The following SKAP1 variants were observed in gnomAD, a reference collection of about 807,000 sequenced individuals.
The protein encoded by SKAP1 is src kinase associated phosphoprotein 1.
SKAP1 carries 44 observed loss-of-function variants against 58.5 expected under a neutral mutation model. The ratio of observed to expected loss-of-function variants is 0.75; its 90% confidence interval spans 0.59 to 0.97. SKAP1 has a LOEUF of 0.97. Ranked by LOEUF, SKAP1 falls within the 50% of genes least tolerant of loss-of-function variation. The pLI, the probability that SKAP1 is intolerant of heterozygous loss-of-function variation, is 0.00. For missense variants in SKAP1, 390 were observed against 435.2 expected, an observed-to-expected ratio of 0.90 and a Z score of 0.92; for synonymous variants, 127 against 149.7, an observed-to-expected ratio of 0.85 and a Z score of 1.11.
At position 48,199,679 on chromosome 17, in the gene SKAP1, A is replaced by G. The variant is rs185854557; in HGVS notation, c.281-10179T>C. 4.3e-3 allele frequency among the ~76,000 whole-genome samples: 650 copies of G among 152,194 alleles called. 5 individuals carry two copies. The highest frequency in any genetic ancestry group is 5.3e-3 in the Non-Finnish European group (360 of 68,014). ...TTCTTGCCACTTTGCTTGGGTTTCC[A>G]TAAGACCTTAGTAACAATGTAAAGC... On this transcript the variant is annotated intron_variant, in intron 4 of 12. Coordinates refer to ENST00000336915, the MANE Select transcript of SKAP1 (RefSeq NM_003726.4).
upstream of SKAP1, chr17:48,430,237 G>C: frequency 5.4e-6 from 3 of 557,262 alleles, no homozygotes; most frequent in Non-Finnish European, 4.8e-6. Context: ...GTCGCCGCCC[G>C]CCCAGCCCGG....
At chr17:48,429,537 G>A (rs935604441) in intron 1 of SKAP1, among the ~76,000 whole-genome samples, 5 of 152,184 alleles carry the variant, frequency 3.3e-5, no homozygotes, top group African/African-American at 1.2e-4. Flanking sequence ...CTAGACGTCT[G>A]CAGGGTGATA....
At chr17:48,405,450 T>TC (rs1555623980) in intron 1 of SKAP1, among the ~76,000 whole-genome samples, 3 of 94,006 alleles carry the variant, frequency 3.2e-5, no homozygotes, top group Admixed American at 1.1e-4. Flanking sequence ...TCTTTCTTTC[T>TC]TTTCTTTCTT....
At chr17:48,392,877 A>ATAT (rs1555622718) in intron 2 of SKAP1, among the ~76,000 whole-genome samples, 7 of 127,352 alleles carry the variant, frequency 5.5e-5, no homozygotes, top group African/African-American at 1.7e-4. Context: ...ATATATATAT[A>ATAT]TTTTTTTTTT....
chr17:48,165,391 CTTT>C (rs1567801497), intron 10 of SKAP1, among the ~76,000 whole-genome samples: 2 of 148,512 alleles, frequency 1.3e-5, no homozygotes, highest in Non-Finnish European at 3.0e-5. Flanking sequence ...TTCTTTCTTT[CTTT>C]CTTTCTTTCT....
intron 1 of SKAP1, 98 bp downstream of exon 1, chr17:48,429,977 G>A (rs1277093899): frequency 9.8e-7 from 1 of 1,018,074 alleles, no homozygotes. Flanking sequence ...AGAAGGAGGT[G>A]AGTGACGAAG....
Position 48,170,648 on chromosome 17 carries a change from C to T in SKAP1, c.838G>A (p.Asp280Asn). ...IYEVLPDEEH[D>N]LEEDESGTRR... The stretch of plus-strand genomic sequence containing the variant: ...GTGCCACTCTCATCCTCTTCTAGAT[C>T]ATGCTCTTCATCTGGGGGGATAAAT... Residue 280 changes from aspartate to asparagine, a missense_variant, in exon 10 of 13, where the codon GAT (aspartate) becomes AAT (asparagine). Asp to Asn is a conservative substitution (Grantham distance 23). Transcript: ENST00000336915. The T allele has an allele frequency of 6.2e-7, 1 of 1,613,542 alleles. No homozygotes were observed. The highest frequency in any genetic ancestry group is 1.3e-5 in the African/African-American group (1 of 74,978).
Position 48,396,724 on chromosome 17 carries a change from A to G in SKAP1, c.108T>C (p.Asp36=), listed in dbSNP as rs754886624. 1.9e-6 allele frequency: 3 copies of G among 1,613,618 alleles called. No homozygotes were observed. The African/African-American group carries it at 4.0e-5, about 22-fold the overall frequency. ...AGCCCCGTAGAATATGGTCTCTGTG[A>G]TCCCTTGCAACAGCGCTGAGGTTCT... ...RNENLSAVAR[D]HRDHILRGFQ... Residue 36 remains aspartate, a synonymous_variant, in exon 2 of 13, where the codon GAT becomes GAC. Transcript: ENST00000336915.
At chr17:48,363,276 G>A (rs2066959262) in intron 3 of SKAP1, among the ~76,000 whole-genome samples, 1 of 152,244 alleles carries the variant, frequency 6.6e-6, no homozygotes, top group African/African-American at 2.4e-5. Context: ...GCTGCAGCAA[G>A]GCTCATATTA....
intron 2 of SKAP1, among the ~76,000 whole-genome samples, chr17:48,389,864 C>T (rs2067324765): frequency 5.3e-5 from 8 of 152,020 alleles, no homozygotes. Context: ...CATCACATTC[C>T]AAATTTTTTA....
intron 1 of SKAP1, among the ~76,000 whole-genome samples, chr17:48,406,716 C>A (rs536780917): frequency 6.6e-6 from 1 of 152,068 alleles, no homozygotes; most frequent in Admixed American, 6.5e-5. Flanking sequence ...AAGGTGCCCA[C>A]GACCATGCCT....
Position 48,183,637 on chromosome 17 carries a change from G to A in SKAP1, c.567+1086C>T, listed in dbSNP as rs562829449. Among the ~76,000 whole-genome samples the A allele has an allele frequency of 6.0e-3, 914 of 152,064 alleles. 7 individuals carry two copies. Among genetic ancestry groups the A allele is most frequent in the Non-Finnish European group, 0.011 (721 of 67,960 alleles). On this transcript the variant is annotated intron_variant, in intron 7 of 12. Transcript: ENST00000336915. Reference sequence around the variant, plus strand: ...AGAAATACTGGTTTAGACTTGTTACGTAAACTTTTACCTGGATGTGTTACT... The same window carrying A: ...AGAAATACTGGTTTAGACTTGTTACATAAACTTTTACCTGGATGTGTTACT...
At chr17:48,414,010 C>T (rs1477554225) in intron 1 of SKAP1, among the ~76,000 whole-genome samples, 2 of 152,166 alleles carry the variant, frequency 1.3e-5, no homozygotes, top group Admixed American at 6.6e-5. Flanking sequence ...ATAAACAATG[C>T]TACATTGTCT....
chr17:48,172,783 T>G (rs1475808922), intron 9 of SKAP1, among the ~76,000 whole-genome samples: 2 of 152,168 alleles, frequency 1.3e-5, no homozygotes, highest in Non-Finnish European at 2.9e-5. Context: ...TATGCCAAAC[T>G]GGGGAAGTAA....
At chr17:48,381,633 T>C (rs940823787) in intron 2 of SKAP1, among the ~76,000 whole-genome samples, 1 of 152,212 alleles carries the variant, frequency 6.6e-6, no homozygotes, top group African/African-American at 2.4e-5. Context: ...ATATCTTGAA[T>C]TACAGTTATT....
chr17:48,426,043 A>C (rs2067850903), intron 1 of SKAP1, among the ~76,000 whole-genome samples: 1 of 152,228 alleles, frequency 6.6e-6, no homozygotes, highest in Admixed American at 6.5e-5. Context: ...AATATTTATA[A>C]GAAGAAGAAA....
At chr17:48,356,706 T>A (rs1477096357) in intron 3 of SKAP1, among the ~76,000 whole-genome samples, 2 of 152,250 alleles carry the variant, frequency 1.3e-5, no homozygotes, top group Non-Finnish European at 2.9e-5. Flanking sequence ...TCTCATTTTT[T>A]ATTTTAACCA....
intron 4 of SKAP1, among the ~76,000 whole-genome samples, chr17:48,310,019 T>C (rs1472818979): frequency 6.6e-6 from 1 of 152,202 alleles, no homozygotes; most frequent in Non-Finnish European, 1.5e-5. Flanking sequence ...CAAATACTAC[T>C]TCGAAAGACC....
intron 4 of SKAP1, among the ~76,000 whole-genome samples, chr17:48,333,551 A>C (rs897715790): frequency 6.6e-6 from 1 of 152,076 alleles, no homozygotes; most frequent in African/African-American, 2.4e-5. Context: ...TTTTATCTCA[A>C]TTAGACAAAG....
Sources: allele counts gnomAD v4.1 joint callset (sites outside exome capture counted in the v4.1 genomes callset), GRCh38; gene constraint gnomAD v4.1.1; transcripts MANE v1.5; gene names NCBI Gene and HGNC (gene_info 2026-07-23, HGNC 2026-07-21).